Variants in ICA1 observed in about 807,000 individuals in gnomAD.
ICA1 encodes islet cell autoantigen 1.
A neutral mutation model predicts 71.0 loss-of-function variants in ICA1; 40 were observed. The ratio of observed to expected loss-of-function variants is 0.56; its 90% CI spans 0.44 to 0.73. The LOEUF is 0.73. Among genes scored for constraint, ICA1 ranks in the 30% least tolerant of loss-of-function variants. The pLI is 0.00. For synonymous variants in ICA1, 207 were observed against 209.5 expected (o/e 0.99, Z 0.10); for missense variants, 578 against 576.5 (o/e 1.00, Z -0.03).
At chr7:8,261,308 G>C (rs570667439) in intron 1 of ICA1, among the ~76,000 whole-genome samples, 1 of 152,214 alleles carries the variant, frequency 6.6e-6, no homozygotes, top group Non-Finnish European at 1.5e-5. Context: ...TAAAAAGACA[G>C]TGGGAAAGGT....
At chr7:8,174,034 G>A (rs189383060) in intron 6 of ICA1, among the ~76,000 whole-genome samples, 1 of 152,284 alleles carries the variant, frequency 6.6e-6, no homozygotes, top group East Asian at 1.9e-4. Context: ...AATAGTCTTG[G>A]AAAGACTTTC....
intron 6 of ICA1, among the ~76,000 whole-genome samples, chr7:8,180,480 C>T (rs923706079): frequency 1.3e-5 from 2 of 152,044 alleles, no homozygotes; most frequent in Non-Finnish European, 2.9e-5. Context: ...AAAATACTGC[C>T]GTGAACATTC....
chr7:8,211,455 G>A lies in ICA1; in HGVS notation c.579+6850C>T, dbSNP rs115850009. Among the ~76,000 whole-genome samples the A allele has an allele frequency of 1.7e-3, 260 of 152,246 alleles. 1 individual carries two copies. Among genetic ancestry groups the A allele is most frequent in the African/African-American group, 5.9e-3 (243 of 41,532 alleles). On this transcript the variant is annotated intron_variant, in intron 6 of 13. Transcript: ENST00000402384. ...ATGCCCTGAAGAAATGGATCTTCTGGTTTGTAGATCAGGTCTCATTCTACT... is the reference window on the plus strand; with the variant it reads ...ATGCCCTGAAGAAATGGATCTTCTGATTTGTAGATCAGGTCTCATTCTACT...
intron 13 of ICA1, among the ~76,000 whole-genome samples, chr7:8,120,096 C>G (rs773496163): frequency 2.0e-5 from 3 of 152,134 alleles, no homozygotes; most frequent in Non-Finnish European, 4.4e-5. Context: ...CTGAAGATAT[C>G]CCCTCTTTGG....
intron 6 of ICA1, among the ~76,000 whole-genome samples, chr7:8,200,614 G>A (rs1383194859): frequency 6.6e-6 from 1 of 152,166 alleles, no homozygotes; most frequent in African/African-American, 2.4e-5. Context: ...TGAGACCGAT[G>A]AGGTCTCATG....
intron 1 of ICA1, among the ~76,000 whole-genome samples, chr7:8,260,601 C>A (rs1584006994): frequency 1.3e-5 from 2 of 152,184 alleles, no homozygotes; most frequent in South Asian, 2.1e-4. Flanking sequence ...AATTAGAAAG[C>A]AACATCTCCT....
intron 1 of ICA1, among the ~76,000 whole-genome samples, chr7:8,237,444 T>C (rs1024976350): frequency 7.9e-5 from 12 of 152,238 alleles, no homozygotes; most frequent in African/African-American, 2.9e-4. Context: ...TTTTGATTAA[T>C]ATTTTTATTA....
At chr7:8,245,258 C>G (rs1354426142) in intron 1 of ICA1, among the ~76,000 whole-genome samples, 2 of 152,000 alleles carry the variant, frequency 1.3e-5, no homozygotes, top group Non-Finnish European at 2.9e-5. Context: ...ATGTCCTTTG[C>G]AAGGACATGG....
intron 8 of ICA1, among the ~76,000 whole-genome samples, chr7:8,152,475 C>T (rs1330355106): frequency 6.6e-6 from 1 of 151,570 alleles, no homozygotes; most frequent in African/African-American, 2.4e-5. Context: ...ATCGCAACAA[C>T]CACCACAACC....
chr7:8,185,234 A>G lies in ICA1; in HGVS notation c.580-26582T>C, dbSNP rs575093433. 8.1e-4 allele frequency among the ~76,000 whole-genome samples: 123 copies of G among 152,342 alleles called. 1 individual carries two copies. Among genetic ancestry groups the G allele is most frequent in the African/African-American group, 2.9e-3 (119 of 41,564 alleles). ...AAAATAAAAGTAAATTTTAATCCTG[A>G]CCTTGTAAGAATTATAAGTGAACAC... On this transcript the variant is annotated intron_variant, in intron 6 of 13. Coordinates refer to ENST00000402384, the MANE Select transcript of ICA1 (RefSeq NM_001136020.3).
intron 6 of ICA1, among the ~76,000 whole-genome samples, chr7:8,169,534 G>A (rs1186071921): frequency 4.0e-5 from 6 of 151,654 alleles, no homozygotes; most frequent in Admixed American, 6.6e-5. Flanking sequence ...TGGCATTTTC[G>A]GTCTTTTAAA....
intron 6 of ICA1, among the ~76,000 whole-genome samples, chr7:8,172,612 GTGT>G (rs1562825052): frequency 6.6e-6 from 1 of 152,066 alleles, no homozygotes; most frequent in African/African-American, 2.4e-5. Flanking sequence ...GGTTGGTCTG[GTGT>G]TAGATTTAAA....
At position 8,221,250 on chromosome 7, in the gene ICA1, T is replaced by C. The variant is rs200610037; in HGVS notation, c.380+25A>G. 5.0e-5 allele frequency: 81 copies of C among 1,612,598 alleles called. No individual in the cohort carries two copies. In the African/African-American group the frequency reaches 7.5e-4, roughly 15 times the overall value. On this transcript the variant is annotated intron_variant, in intron 5 of 13. Transcript: ENST00000402384. The stretch of plus-strand genomic sequence containing the variant: ...CGGAGTCTCCTCAGATCCCCCCAGA[T>C]AGAACCCCACTAAAGGCCACACACC...
At chr7:8,146,363 TTGTC>T (rs1274402254) in intron 8 of ICA1, among the ~76,000 whole-genome samples, 5 of 152,082 alleles carry the variant, frequency 3.3e-5, no homozygotes, top group Non-Finnish European at 5.9e-5. Flanking sequence ...ATAGCTTGGT[TTGTC>T]TGAGGAACAA....
intron 1 of ICA1, among the ~76,000 whole-genome samples, chr7:8,246,715 G>A (rs1806158802): frequency 6.6e-6 from 1 of 152,176 alleles, no homozygotes; most frequent in Non-Finnish European, 1.5e-5. Flanking sequence ...TTTCTGTTGG[G>A]ATCCTGTGCT....
chr7:8,181,602 T>G (rs149898270), intron 6 of ICA1, among the ~76,000 whole-genome samples: 238 of 152,306 alleles, frequency 1.6e-3, no homozygotes, highest in African/African-American at 5.0e-3. Context: ...TTCATAAATA[T>G]GGTACATTCC....
chr7:8,153,118 T>C (rs1800190463), intron 8 of ICA1, among the ~76,000 whole-genome samples: 1 of 152,202 alleles, frequency 6.6e-6, no homozygotes, highest in African/African-American at 2.4e-5. Flanking sequence ...ACCACCACCA[T>C]GCAGAGCCAG....
Position 8,255,779 on chromosome 7 carries a change from C to CTTT in ICA1, c.-80+6312_-80+6314dup, listed in dbSNP as rs573673718. On this transcript the variant is annotated intron_variant, in intron 1 of 13. Transcript: ENST00000402384. ...TAAGTTGAAAACCTCACTTCTTTCTCTTTTTTTTTTTTTTTGGCAGGGTCT... is the reference window on the plus strand; with the variant it reads ...TAAGTTGAAAACCTCACTTCTTTCTCTTTTTTTTTTTTTTTTTTGGCAGGGTCT... Among the ~76,000 whole-genome samples, 905 of 132,874 alleles carry CTTT rather than the reference C, an allele frequency of 6.8e-3. 39 individuals carry two copies. Among genetic ancestry groups the CTTT allele is most frequent in the African/African-American group, 0.021 (704 of 32,866 alleles). The allele number at this position is 132,874 out of a possible 152,430, so 87.2% of individuals were successfully genotyped here.
rs1192424033 is a variant in ICA1 at position 8,114,134 on chromosome 7, A to G, written c.1331-90T>C. ...TGCAGGCAGGTCCAGGTCATCTTCA[A>G]ATGCAGATTGTTCAATCAGACAAAT... On this transcript the variant is annotated intron_variant, in intron 13 of 13. Coordinates refer to ENST00000402384, the MANE Select transcript of ICA1 (RefSeq NM_001136020.3). The G allele has an allele frequency of 8.0e-6, 11 of 1,380,946 alleles. No individual in the cohort carries two copies. The African/African-American group carries it at 1.4e-4, about 18-fold the overall frequency. The allele number at this position is 1,380,946 out of a possible 1,614,324, so 85.5% of individuals were successfully genotyped here. A position where few individuals can be genotyped will look rare whatever the true frequency, so the allele number is the denominator to read the frequency against.
Sources: allele counts gnomAD v4.1 joint callset (sites outside exome capture counted in the v4.1 genomes callset), GRCh38; gene constraint gnomAD v4.1.1; transcripts MANE v1.5; gene names NCBI Gene and HGNC (gene_info 2026-07-23, HGNC 2026-07-21).